Variants in ATP2B4 observed in about 807,000 individuals in gnomAD.
The protein encoded by ATP2B4 is plasma membrane calcium-transporting ATPase 4.
Under a neutral mutation model 110.3 loss-of-function variants are expected in ATP2B4, and 39 were observed. That is an observed-to-expected ratio of 0.35 (90% CI 0.27 to 0.46). The LOEUF (loss-of-function observed/expected upper bound fraction) is 0.46. Among genes scored for constraint, ATP2B4 ranks in the 20% least tolerant of loss-of-function variants. The pLI, the probability that ATP2B4 is intolerant of heterozygous loss-of-function variation, is 1.00. For missense variants in ATP2B4, 1,135 were observed against 1,530.9 expected, an observed-to-expected ratio of 0.74 and a Z score of 4.32; for synonymous variants, 538 against 571.7, an observed-to-expected ratio of 0.94 and a Z score of 0.84.
At chr1:203,639,457 C>T (rs530476846) in intron 1 of ATP2B4, among the ~76,000 whole-genome samples, 2 of 152,272 alleles carry the variant, frequency 1.3e-5, no homozygotes, top group East Asian at 1.9e-4. Flanking sequence ...CACAGCAAGC[C>T]CCGCTTGTTG....
In ATP2B4 at chr1:203,682,916, A is replaced by G; in HGVS notation, c.-290A>G. On this transcript the variant is annotated 5_prime_UTR_variant, in exon 2 of 21. Coordinates refer to ENST00000357681, the MANE Select transcript of ATP2B4 (RefSeq NM_001684.5). ...AACCTACCTACCCTGGACAACTACTATCATCACCACCTGGGGACACCAATC... is the reference window on the plus strand; with the variant it reads ...AACCTACCTACCCTGGACAACTACTGTCATCACCACCTGGGGACACCAATC... 1 of 310,104 alleles carries G rather than the reference A, an allele frequency of 3.2e-6. No homozygotes were observed. Among genetic ancestry groups the G allele is most frequent in the Non-Finnish European group, 6.1e-6 (1 of 165,194 alleles). 19.2% of individuals were successfully genotyped at this position (310,104 alleles called of 1,614,324 possible). A position where few individuals can be genotyped will look rare whatever the true frequency, so the allele number is the denominator to read the frequency against.
In ATP2B4 at chr1:203,727,472, C is replaced by T. The variant is rs774298758; in HGVS notation, c.3210C>T (p.Thr1070=). ...AGHGTTKEEI[T]KDAEGLDEID... ...ATGGCACCACCAAAGAGGAGATCAC[C>T]AAGGATGCCGAGGGACTGGATGAGA... is the stretch of plus-strand genomic sequence containing the variant. The change falls in exon 20 of 21, where the codon ACC becomes ACT. Residue 1070 remains threonine (T), a synonymous_variant. Coordinates refer to ENST00000357681, the MANE Select transcript of ATP2B4 (RefSeq NM_001684.5). 7 of 1,614,084 alleles carry T rather than the reference C, an allele frequency of 4.3e-6. No homozygotes were observed. In the Admixed American group the frequency reaches 1.0e-4, roughly 23 times the overall value.
chr1:203,689,012 GT>G (rs1344729463), intron 2 of ATP2B4, among the ~76,000 whole-genome samples: 2 of 152,094 alleles, frequency 1.3e-5, no homozygotes, highest in African/African-American at 4.8e-5. Flanking sequence ...CCCCATTCCA[GT>G]TTTTTCCCCC....
intron 6 of ATP2B4, among the ~76,000 whole-genome samples, chr1:203,701,457 AGAG>A (rs1477540862): frequency 1.3e-5 from 2 of 152,240 alleles, no homozygotes; most frequent in African/African-American, 2.4e-5. Flanking sequence ...AGAGGGAGAA[AGAG>A]GAGAAGATAC....
intron 1 of ATP2B4, among the ~76,000 whole-genome samples, chr1:203,637,384 C>T (rs569382763): frequency 9.9e-5 from 14 of 142,130 alleles, no homozygotes; most frequent in African/African-American, 2.6e-4. Flanking sequence ...TGCAGTGAGC[C>T]GAGATCGCAC....
At chr1:203,723,003 C>G (rs1191998687) in intron 18 of ATP2B4, among the ~76,000 whole-genome samples, 1 of 152,110 alleles carries the variant, frequency 6.6e-6, no homozygotes, top group Non-Finnish European at 1.5e-5. Flanking sequence ...CTCTTCTAGT[C>G]CCTTTCTATG....
intron 2 of ATP2B4, among the ~76,000 whole-genome samples, chr1:203,693,130 T>C (rs1665434061): frequency 6.6e-6 from 1 of 152,184 alleles, no homozygotes; most frequent in Non-Finnish European, 1.5e-5. Context: ...TGTGAGCATC[T>C]GAGAAACCAC....
At chr1:203,688,836 C>T (rs1665283024) in intron 2 of ATP2B4, among the ~76,000 whole-genome samples, 1 of 149,280 alleles carries the variant, frequency 6.7e-6, no homozygotes, top group East Asian at 1.9e-4. Flanking sequence ...TACATGTTTA[C>T]ATCAAAGTAA....
rs1174987883 is a variant in ATP2B4, at chr1:203,709,399, T to A, written c.1656T>A (p.Ala552=). 4 of 1,614,126 alleles carry A rather than the reference T, an allele frequency of 2.5e-6. No individual in the cohort carries two copies. In the Admixed American group the frequency reaches 6.7e-5, roughly 27 times the overall value. Reference sequence around the variant, plus strand: ...CAGATCTGAAGCAGGATTATCAGGCTGTGCGTAATGAAGTGCCCGAGGAGA... The same window carrying A: ...CAGATCTGAAGCAGGATTATCAGGCAGTGCGTAATGAAGTGCCCGAGGAGA... The part of the protein sequence containing the change: ...FVTDLKQDYQ[A]VRNEVPEEKL... Residue 552 remains alanine (A), a synonymous_variant, in exon 11 of 21, where the codon GCT becomes GCA. Transcript: ENST00000357681.
At chr1:203,728,079 A>G (rs1158021610) in intron 20 of ATP2B4, 1 of 382,642 alleles carries the variant, frequency 2.6e-6, no homozygotes, top group Admixed American at 3.8e-5. Context: ...TCCCCCATTC[A>G]AAGTGTAAGG....
chr1:203,694,841 G>A (rs1016061018), intron 2 of ATP2B4, among the ~76,000 whole-genome samples: 1 of 152,126 alleles, frequency 6.6e-6, no homozygotes, highest in Non-Finnish European at 1.5e-5. Flanking sequence ...AGATGAGAGA[G>A]GATGGTTTAG....
chr1:203,653,688 C>A (rs1182801565), intron 1 of ATP2B4, among the ~76,000 whole-genome samples: 1 of 152,116 alleles, frequency 6.6e-6, no homozygotes, highest in African/African-American at 2.4e-5. Flanking sequence ...TCCTGAGTAG[C>A]TGGGATTACA....
chr1:203,688,757 G>A (rs374088276), intron 2 of ATP2B4, among the ~76,000 whole-genome samples: 10 of 152,146 alleles, frequency 6.6e-5, no homozygotes, highest in African/African-American at 2.2e-4. Flanking sequence ...AAATAAGGCT[G>A]AGAGCATGAG....
chr1:203,700,653 C>A, intron 5 of ATP2B4, 145 bp from the exon 6 acceptor site: 1 of 1,196,020 alleles, frequency 8.4e-7, no homozygotes, highest in Non-Finnish European at 1.2e-6. Context: ...ATGCGCCCAG[C>A]TCTTGACCTT....
chr1:203,699,424 C>T (rs1418944961), intron 3 of ATP2B4, 36 bp from the exon 4 acceptor site: 2 of 1,610,230 alleles, frequency 1.2e-6, no homozygotes, highest in East Asian at 2.2e-5. Flanking sequence ...TCAACAAAAG[C>T]CCTTCAGTGA....
chr1:203,674,251 G>A (rs1186705359), intron 1 of ATP2B4, among the ~76,000 whole-genome samples: 1 of 152,164 alleles, frequency 6.6e-6, no homozygotes, highest in Non-Finnish European at 1.5e-5. Context: ...TCCACCTGAA[G>A]GTGGCTCTTG....
At chr1:203,706,900 T>G in intron 8 of ATP2B4, 109 bp from the exon 9 acceptor site, 1 of 864,832 alleles carries the variant, frequency 1.2e-6, no homozygotes, top group South Asian at 1.7e-5. Context: ...CTGGCGATGG[T>G]GGTTTTAATA....
At position 203,629,498 on chromosome 1, in the gene ATP2B4, AC is replaced by A. The variant is rs1288955052; in HGVS notation, c.-465+2281del. ...TCCGTGAGGTCGTTATTTAGCGCGC[AC>A]CGGGTCGCCTGAGCCCGGGGTCGCG... On this transcript the variant is annotated intron_variant, in intron 1 of 20. Coordinates refer to ENST00000357681, the MANE Select transcript of ATP2B4 (RefSeq NM_001684.5). The surrounding 1 kb of genome is among the most constrained non-coding windows in gnomAD (Gnocchi z 4.6). 6.6e-6 allele frequency among the ~76,000 whole-genome samples: 1 copy of A among 152,040 alleles called. No homozygotes were observed. The highest frequency in any genetic ancestry group is 1.5e-5 in the Non-Finnish European group (1 of 68,010).
At chr1:203,635,958 C>T (rs1232979242) in intron 1 of ATP2B4, among the ~76,000 whole-genome samples, 5 of 152,196 alleles carry the variant, frequency 3.3e-5, no homozygotes, top group Non-Finnish European at 7.3e-5. Context: ...CTCTCCTGTC[C>T]AGACAGGAGC....
Sources: gnomAD v4.1 joint callset for allele counts (sites outside exome capture counted in the v4.1 genomes callset) on GRCh38, gnomAD v4.1.1 for gene constraint, Gnocchi (gnomAD v3.1) non-coding constraint, MANE v1.5 for transcripts, NCBI Gene and HGNC (gene_info 2026-07-23, HGNC 2026-07-21) for gene names.